Variants in RPS29 observed in about 807,000 individuals in gnomAD.
The protein encoded by RPS29 is ribosomal protein S29.
For missense variants in RPS29, 60 were observed against 75.7 expected, an observed-to-expected ratio of 0.79 and a Z score of 0.77; for synonymous variants, 37 against 26.9, an observed-to-expected ratio of 1.37 and a Z score of -1.16.
intron 2 of RPS29, among the ~76,000 whole-genome samples, chr14:49,583,893 C>T (rs1391240795): frequency 6.6e-6 from 1 of 152,230 alleles, no homozygotes; most frequent in Non-Finnish European, 1.5e-5. Flanking sequence ...TATCGCACTT[C>T]TTCCATCAAA....
chr14:49,594,238 C>T (rs546873276), intron 1 of RPS29, among the ~76,000 whole-genome samples: 4 of 152,128 alleles, frequency 2.6e-5, no homozygotes, highest in Non-Finnish European at 1.5e-5. Context: ...TTTTTACTGA[C>T]CACAAGAACC....
downstream of RPS29, among the ~76,000 whole-genome samples, chr14:49,580,995 T>C (rs142922129): frequency 8.6e-5 from 13 of 151,952 alleles, no homozygotes; most frequent in Admixed American, 4.6e-4. Flanking sequence ...AGAACAGCCA[T>C]TGGCCGGCAT....
intron 2 of RPS29, chr14:49,577,964 G>C (rs961827104): frequency 1.4e-6 from 1 of 728,412 alleles, no homozygotes; most frequent in Non-Finnish European, 2.4e-6. Flanking sequence ...GTCACTATCA[G>C]GATCTAGATT....
Position 49,585,975 on chromosome 14 carries a change from T to C in RPS29, c.137A>G (p.Tyr46Cys). 6.2e-6 allele frequency: 10 copies of C among 1,613,860 alleles called. No homozygotes were observed. Among genetic ancestry groups the C allele is most frequent in the Non-Finnish European group, 8.5e-6 (10 of 1,179,794 alleles). ...LNMCRQCFRQ[Y>C]AKDIGFIKLD Reference sequence around the variant, plus strand: ...CTTAATGAAACCGATATCCTTCGCGTACTGACGGAAACACTGGCGGCACAT... The same window carrying C: ...CTTAATGAAACCGATATCCTTCGCGCACTGACGGAAACACTGGCGGCACAT... The change falls in exon 2 of 3, where the codon TAC becomes TGC. Residue 46 changes from tyrosine (Y) to cysteine (C), a missense_variant. Coordinates refer to ENST00000245458, the MANE Select transcript of RPS29 (RefSeq NM_001032.5).
At chr14:49,590,365 A>C (rs1881685062), upstream of RPS29, among the ~76,000 whole-genome samples, 1 of 151,624 alleles carries the variant, frequency 6.6e-6, no homozygotes, top group South Asian at 2.1e-4. Context: ...AGTCCCAGCT[A>C]CTCTGGAGGC....
upstream of RPS29, among the ~76,000 whole-genome samples, chr14:49,588,876 C>CTT (rs577408713): frequency 4.6e-3 from 423 of 92,494 alleles, 66 homozygotes; most frequent in Non-Finnish European, 6.6e-3. Flanking sequence ...TTTCTGAGTC[C>CTT]TTTTTTTTTT....
At chr14:49,598,626 G>A (rs920677984) in exon 1 of RPS29, 3 of 701,362 alleles carry the variant, frequency 4.3e-6, no homozygotes, top group Admixed American at 2.0e-5. Context: ...GGGAAACAGC[G>A]GCCCGACGTG....
exon 3 of RPS29, chr14:49,573,985 T>A (rs1394536234): frequency 2.0e-5 from 3 of 152,242 alleles, no homozygotes; most frequent in African/African-American, 7.2e-5. Context: ...AGTCTCTTGT[T>A]GATTTGTCTG....
chr14:49,572,287 C>G (rs753704385), exon 3 of RPS29: 3 of 152,252 alleles, frequency 2.0e-5, no homozygotes, highest in Non-Finnish European at 4.4e-5. Context: ...TGGGGACTCC[C>G]AAAGTGTGAC....
chr14:49,590,048 G>A (rs1412203382), upstream of RPS29, among the ~76,000 whole-genome samples: 5 of 152,176 alleles, frequency 3.3e-5, no homozygotes, highest in Non-Finnish European at 5.9e-5. Flanking sequence ...GGTAGAGGGT[G>A]GGAGGAGGGT....
chr14:49,579,209 C>T (rs1881270490), downstream of RPS29, among the ~76,000 whole-genome samples: 1 of 152,146 alleles, frequency 6.6e-6, no homozygotes, highest in African/African-American at 2.4e-5. Context: ...TTGCCCTATC[C>T]ACCATGTAAG....
intron 1 of RPS29, 114 bp from the exon 2 acceptor site, chr14:49,586,163 C>A (rs1431716021): frequency 6.5e-6 from 9 of 1,378,806 alleles, no homozygotes; most frequent in Non-Finnish European, 8.3e-6. Context: ...CCTGTAATGG[C>A]GGCACCAGCG....
chr14:49,583,288 T>A (rs1881397437), downstream of RPS29, among the ~76,000 whole-genome samples: 1 of 152,212 alleles, frequency 6.6e-6, no homozygotes, highest in South Asian at 2.1e-4. Flanking sequence ...CGGTGGCTCA[T>A]GCCTGTAATC....
downstream of RPS29, among the ~76,000 whole-genome samples, chr14:49,579,679 G>C (rs1881282385): frequency 6.6e-6 from 1 of 152,104 alleles, no homozygotes; most frequent in South Asian, 2.1e-4. Flanking sequence ...AACAAATGAG[G>C]ACCTATTAAT....
chr14:49,577,802 G>A, exon 3 of RPS29: 1 of 1,603,944 alleles, frequency 6.2e-7, no homozygotes. Context: ...CATGATGGAG[G>A]AGATGGGTGT....
exon 3 of RPS29, chr14:49,573,930 A>G (rs1243477288): frequency 3.9e-5 from 6 of 152,344 alleles, no homozygotes; most frequent in South Asian, 4.1e-4. Context: ...TATGAAATTC[A>G]ACTAAACAGA....
At chr14:49,596,019 A>AGGGG (rs1881814223) in intron 1 of RPS29, among the ~76,000 whole-genome samples, 1 of 109,614 alleles carries the variant, frequency 9.1e-6, no homozygotes, top group Non-Finnish European at 1.8e-5. Flanking sequence ...GAAGAAATGA[A>AGGGG]GGAGGGAGGG....
chr14:49,578,958 G>GA (rs774821481), downstream of RPS29, among the ~76,000 whole-genome samples: 17 of 152,196 alleles, frequency 1.1e-4, no homozygotes, highest in Non-Finnish European at 1.3e-4. Context: ...ACAATCTTGG[G>GA]AAAGTTACTT....
At chr14:49,585,815 A>C (rs1881525224) in intron 2 of RPS29, 135 bp downstream of exon 2, 2 of 666,932 alleles carry the variant, frequency 3.0e-6, no homozygotes, top group South Asian at 3.7e-5. Flanking sequence ...CCAACTAAAA[A>C]AAGAGGAAAA....
Sources: allele counts gnomAD v4.1 joint callset (sites outside exome capture counted in the v4.1 genomes callset), GRCh38; gene constraint gnomAD v4.1.1; transcripts MANE v1.5; gene names NCBI Gene and HGNC (gene_info 2026-07-23, HGNC 2026-07-21).